Variants in PLCB1 observed in about 807,000 individuals in gnomAD.
PLCB1 encodes the protein phospholipase C beta 1.
PLCB1 carries 46 observed loss-of-function variants against 161.8 expected under a neutral mutation model. That is an observed-to-expected ratio of 0.28 (90% CI 0.22 to 0.36). The LOEUF (loss-of-function observed/expected upper bound fraction) is 0.36. Ranked by LOEUF, PLCB1 falls within the 10% of genes least tolerant of loss-of-function variation. The pLI is 1.00. For missense variants in PLCB1, 1,016 were observed against 1,472.5 expected, an observed-to-expected ratio of 0.69 and a Z score of 5.07; for synonymous variants, 517 against 503.7, an observed-to-expected ratio of 1.03 and a Z score of -0.35.
At chr20:8,640,858 G>A (rs931690082) in intron 4 of PLCB1, among the ~76,000 whole-genome samples, 1 of 152,074 alleles carries the variant, frequency 6.6e-6, no homozygotes, top group Non-Finnish European at 1.5e-5. Flanking sequence ...TGCTCTTTGG[G>A]GGAGTTTTAA....
intron 9 of PLCB1, among the ~76,000 whole-genome samples, chr20:8,671,044 C>T (rs974394626): frequency 1.3e-5 from 2 of 152,170 alleles, no homozygotes; most frequent in Non-Finnish European, 2.9e-5. Context: ...GGATTCTCAA[C>T]CACCTAATCC....
chr20:8,590,112 A>T (rs1987104635), intron 3 of PLCB1, among the ~76,000 whole-genome samples: 1 of 152,150 alleles, frequency 6.6e-6, no homozygotes. Flanking sequence ...CAATAATATA[A>T]TAAATGTAGA....
rs146041670 is a variant in PLCB1, at chr20:8,318,352, T to C, written c.178-53030T>C. ...GGAGGAATGAAACTTTCAAATAATG[T>C]AATGCACCTGAATTAAGACCATTTT... On this transcript the variant is annotated intron_variant, in intron 2 of 31. Transcript: ENST00000338037. Among the ~76,000 whole-genome samples the C allele has an allele frequency of 4.2e-4, 64 of 152,274 alleles. 3 individuals carry two copies. The East Asian group carries it at 0.012, about 29-fold the overall frequency.
rs138693596 is a variant in PLCB1, at chr20:8,795,760, G to A, written c.3423+5499G>A. 6.4e-3 allele frequency among the ~76,000 whole-genome samples: 975 copies of A among 151,602 alleles called. 9 individuals carry two copies. Among genetic ancestry groups the A allele is most frequent in the Admixed American group, 0.02 (311 of 15,246 alleles). On this transcript the variant is annotated intron_variant, in intron 31 of 31. Transcript: ENST00000338037. The stretch of plus-strand genomic sequence containing the variant: ...TGTGGTGGTGGGCGCTGGTAGTCCC[G>A]GCTACTTGGGAGGCTGAGGCAGGAG...
At chr20:8,740,089 C>G (rs1046339667) in intron 21 of PLCB1, among the ~76,000 whole-genome samples, 2 of 152,202 alleles carry the variant, frequency 1.3e-5, no homozygotes, top group East Asian at 1.9e-4. Flanking sequence ...ATAATTCAGT[C>G]TATGACATGT....
intron 4 of PLCB1, among the ~76,000 whole-genome samples, chr20:8,628,897 C>T: frequency 6.6e-6 from 1 of 151,632 alleles, no homozygotes; most frequent in East Asian, 1.9e-4. Flanking sequence ...TTTGCCACTG[C>T]ACTCCAGCCT....
intron 2 of PLCB1, among the ~76,000 whole-genome samples, chr20:8,317,573 C>T (rs1984715649): frequency 6.6e-6 from 1 of 151,636 alleles, no homozygotes; most frequent in African/African-American, 2.4e-5. Context: ...AATCAGGGCA[C>T]TTGCAAATCC....
At chr20:8,362,228 T>C (rs1462653737) in intron 2 of PLCB1, among the ~76,000 whole-genome samples, 1 of 152,198 alleles carries the variant, frequency 6.6e-6, no homozygotes, top group Non-Finnish European at 1.5e-5. Flanking sequence ...TCTTTAAATA[T>C]ATATAGATTA....
chr20:8,873,747 A>C (rs1449450531), intron 31 of PLCB1, among the ~76,000 whole-genome samples: 4 of 152,076 alleles, frequency 2.6e-5, no homozygotes, highest in Admixed American at 2.0e-4. Context: ...CCTGTTTTCA[A>C]AGCCATTGGT....
At chr20:8,555,878 A>C (rs1985935035) in intron 3 of PLCB1, among the ~76,000 whole-genome samples, 1 of 152,120 alleles carries the variant, frequency 6.6e-6, no homozygotes, top group African/African-American at 2.4e-5. Flanking sequence ...AGATGGAATC[A>C]ATTTTTTCTA....
At chr20:8,450,422 G>C (rs138141078) in intron 3 of PLCB1, among the ~76,000 whole-genome samples, 1 of 151,862 alleles carries the variant, frequency 6.6e-6, no homozygotes, top group East Asian at 1.9e-4. Context: ...TGAATAGGTA[G>C]AGACATCCAT....
chr20:8,446,651 G>C (rs1393502307), intron 3 of PLCB1, among the ~76,000 whole-genome samples: 1 of 152,118 alleles, frequency 6.6e-6, no homozygotes, highest in Admixed American at 6.6e-5. Flanking sequence ...TGTATATTTC[G>C]AAAACCCAAT....
At chr20:8,315,092 A>T (rs1461256995) in intron 2 of PLCB1, among the ~76,000 whole-genome samples, 2 of 152,174 alleles carry the variant, frequency 1.3e-5, no homozygotes, top group Non-Finnish European at 2.9e-5. Context: ...TGGGCTCATG[A>T]GCTAGAGCCA....
chr20:8,483,941 A>G (rs904405969), intron 3 of PLCB1, among the ~76,000 whole-genome samples: 2 of 152,200 alleles, frequency 1.3e-5, no homozygotes, highest in African/African-American at 4.8e-5. Flanking sequence ...AAATGCACAC[A>G]CATAGCAGCT....
rs780585750 is a variant in PLCB1 at position 8,658,577 on chromosome 20, G to A, written c.735G>A (p.Met245Ile). 5 of 1,612,132 alleles carry A rather than the reference G, an allele frequency of 3.1e-6. No individual in the cohort carries two copies. The African/African-American group carries it at 6.7e-5, about 22-fold the overall frequency. Reference protein sequence around the residue: ...KSKPYLTVDQMMDFINLKQRD... With the variant: ...KSKPYLTVDQIMDFINLKQRD... ...AACCATATCTTACCGTTGATCAGAT[G>A]ATGGATTTTATCAACCTTAAGCAGC... Residue 245 changes from methionine to isoleucine, a missense_variant, in exon 9 of 32, where the codon ATG becomes ATA. Physicochemically the swap from Met to Ile is conservative, Grantham distance 10. Coordinates refer to ENST00000338037, the MANE Select transcript of PLCB1 (RefSeq NM_015192.4).
chr20:8,721,411 A>C (rs1979626105), intron 14 of PLCB1, among the ~76,000 whole-genome samples: 1 of 152,234 alleles, frequency 6.6e-6, no homozygotes. Context: ...TTTTACTTGA[A>C]AATCTTTTTT....
At chr20:8,831,910 T>C (rs756718544) in intron 31 of PLCB1, among the ~76,000 whole-genome samples, 12 of 71,870 alleles carry the variant, frequency 1.7e-4, no homozygotes, top group African/African-American at 3.9e-4. Context: ...CTCTCTTTCT[T>C]TCTCTTTCTT....
At chr20:8,386,387 C>T (rs1326631210) in intron 3 of PLCB1, among the ~76,000 whole-genome samples, 1 of 152,112 alleles carries the variant, frequency 6.6e-6, no homozygotes, top group Non-Finnish European at 1.5e-5. Context: ...CATCAGAGCT[C>T]TTTTGTGGCC....
intron 2 of PLCB1, among the ~76,000 whole-genome samples, chr20:8,319,231 C>G (rs1396838336): frequency 6.6e-6 from 1 of 152,134 alleles, no homozygotes; most frequent in Non-Finnish European, 1.5e-5. Context: ...TACTCCCAAC[C>G]TCAGTGGCTT....
Sources: allele counts gnomAD v4.1 joint callset (sites outside exome capture counted in the v4.1 genomes callset), GRCh38; gene constraint gnomAD v4.1.1; transcripts MANE v1.5; gene names NCBI Gene and HGNC (gene_info 2026-07-23, HGNC 2026-07-21).